The following REEP1 variants were observed in gnomAD, a reference collection of about 807,000 sequenced individuals.
The protein encoded by REEP1 is receptor accessory protein 1.
In REEP1, 22 loss-of-function variants were observed where a neutral mutation model predicts 40.3. That is an observed-to-expected ratio of 0.55 (90% confidence interval 0.39 to 0.78). The LOEUF (loss-of-function observed/expected upper bound fraction) is 0.78. REEP1 is among the 30% of genes least tolerant of loss of function. REEP1 has a pLI of 0.00. For missense variants in REEP1, 280 were observed against 361.1 expected, an observed-to-expected ratio of 0.78 and a Z score of 1.82; for synonymous variants, 116 against 139.2, an observed-to-expected ratio of 0.83 and a Z score of 1.17.
chr2:86,254,849 G>A (rs768216721), intron 3 of REEP1, 35 bp from the exon 4 acceptor site: 4 of 1,611,180 alleles, frequency 2.5e-6, no homozygotes, highest in Non-Finnish European at 3.4e-6. Context: ...GTTCTGTTAG[G>A]TTCTCAGCAA....
At chr2:86,297,969 C>T (rs1233032415) in intron 1 of REEP1, among the ~76,000 whole-genome samples, 1 of 152,186 alleles carries the variant, frequency 6.6e-6, no homozygotes, top group Non-Finnish European at 1.5e-5. Context: ...GGGTCGCATG[C>T]CCCACTTCCC....
intron 1 of REEP1, among the ~76,000 whole-genome samples, chr2:86,282,833 G>A (rs1678172246): frequency 6.6e-6 from 1 of 152,154 alleles, no homozygotes; most frequent in Non-Finnish European, 1.5e-5. Context: ...TTGGGCAGCA[G>A]CTCTCACTGA....
At chr2:86,232,171 AG>A (rs1378084856) in intron 6 of REEP1, among the ~76,000 whole-genome samples, 1 of 152,178 alleles carries the variant, frequency 6.6e-6, no homozygotes, top group African/African-American at 2.4e-5. Flanking sequence ...GAGAGAGGAC[AG>A]GCAATATTCA....
intron 2 of REEP1, among the ~76,000 whole-genome samples, chr2:86,277,551 G>T (rs1320540176): frequency 7.7e-6 from 1 of 129,696 alleles, no homozygotes. Context: ...GCGAGACTCT[G>T]TATCAAAAAA....
rs568960722 is a variant in REEP1, at chr2:86,277,763, T to G, written c.105+4407A>C. On this transcript the variant is annotated intron_variant, in intron 2 of 8. Transcript: ENST00000538924. ...GGAAAACCTGAGAAAGACTTCAGAA[T>G]GGGTATCCTGTGGAATGCTAGGTGT... 2.6e-5 allele frequency among the ~76,000 whole-genome samples: 4 copies of G among 152,292 alleles called. No individual in the cohort carries two copies. In the South Asian group the frequency reaches 8.3e-4, roughly 32 times the overall value.
At chr2:86,242,235 G>T (rs1675706429) in intron 5 of REEP1, among the ~76,000 whole-genome samples, 1 of 152,206 alleles carries the variant, frequency 6.6e-6, no homozygotes, top group Non-Finnish European at 1.5e-5. Context: ...GGTTCACAGA[G>T]GTGCAGCAGT....
intron 2 of REEP1, among the ~76,000 whole-genome samples, chr2:86,266,347 C>T (rs1444331351): frequency 7.2e-5 from 11 of 152,028 alleles, no homozygotes; most frequent in South Asian, 2.1e-4. Context: ...GGGCCGGGCG[C>T]GGTGGCTCAC....
chr2:86,223,859 A>C (rs1185368962), intron 7 of REEP1: 1 of 152,140 alleles, frequency 6.6e-6, no homozygotes, highest in African/African-American at 2.4e-5. Flanking sequence ...CCACACAGGC[A>C]GTAATCCAGA....
At chr2:86,331,117 T>A (rs1680741510) in intron 1 of REEP1, among the ~76,000 whole-genome samples, 1 of 152,244 alleles carries the variant, frequency 6.6e-6, no homozygotes, top group Non-Finnish European at 1.5e-5. Flanking sequence ...CTTTGTTGTA[T>A]TCTTCACTTT....
At chr2:86,284,054 C>A (rs1184893887) in intron 1 of REEP1, among the ~76,000 whole-genome samples, 1 of 152,066 alleles carries the variant, frequency 6.6e-6, no homozygotes, top group East Asian at 1.9e-4. Context: ...GAGGGTAGTG[C>A]CAAAGACAGC....
chr2:86,275,271 A>T (rs144654649), intron 2 of REEP1, among the ~76,000 whole-genome samples: 1,714 of 150,266 alleles, frequency 0.011, 15 homozygotes, highest in Non-Finnish European at 0.018. Flanking sequence ...GACTTTGAGC[A>T]GGGCACTTAG....
chr2:86,225,132 C>T (rs1192562308), intron 7 of REEP1, among the ~76,000 whole-genome samples: 3 of 152,154 alleles, frequency 2.0e-5, no homozygotes, highest in Non-Finnish European at 4.4e-5. Context: ...TGAACGCAGC[C>T]CCTTCATTTC....
chr2:86,337,534 C>A lies in REEP1; in HGVS notation c.-24G>T. Reference sequence around the variant, plus strand: ...ATGGCGGGCAGGCGGGCGGGCGAGGCCCGGGCGGCGCGGCTCGGCTAGGCT... The same window carrying A: ...ATGGCGGGCAGGCGGGCGGGCGAGGACCGGGCGGCGCGGCTCGGCTAGGCT... On this transcript the variant is annotated 5_prime_UTR_variant, in exon 1 of 9. Coordinates refer to ENST00000538924, the MANE Select transcript of REEP1 (RefSeq NM_001371279.1). The surrounding 1 kb of genome is among the most constrained non-coding windows in gnomAD (Gnocchi z 5.8). 8.0e-7 allele frequency: 1 copy of A among 1,250,022 alleles called. No individual in the cohort carries two copies. 77.4% of individuals were successfully genotyped at this position (1,250,022 alleles called of 1,614,324 possible).
chr2:86,312,553 C>T (rs1017724326), intron 1 of REEP1, among the ~76,000 whole-genome samples: 1 of 152,158 alleles, frequency 6.6e-6, no homozygotes, highest in Non-Finnish European at 1.5e-5. Flanking sequence ...TGTTTAAGAA[C>T]TGAACAACAG....
chr2:86,233,968 C>T (rs193044684), intron 5 of REEP1, among the ~76,000 whole-genome samples: 2 of 152,052 alleles, frequency 1.3e-5, no homozygotes, highest in Non-Finnish European at 2.9e-5. Context: ...CAATTCAAGC[C>T]GCTGACAAGA....
chr2:86,317,182 C>T (rs1199925949), intron 1 of REEP1, among the ~76,000 whole-genome samples: 2 of 152,040 alleles, frequency 1.3e-5, no homozygotes, highest in African/African-American at 4.8e-5. Context: ...TTCAATAAAT[C>T]GGGGCAACTG....
At chr2:86,333,570 CT>C (rs1312003726) in intron 1 of REEP1, among the ~76,000 whole-genome samples, 2 of 152,234 alleles carry the variant, frequency 1.3e-5, no homozygotes, top group Non-Finnish European at 2.9e-5. Flanking sequence ...GTGAGAAGCT[CT>C]TGATCCGTTC....
chr2:86,279,087 C>T (rs745997966), intron 2 of REEP1, among the ~76,000 whole-genome samples: 1 of 152,230 alleles, frequency 6.6e-6, no homozygotes, highest in Non-Finnish European at 1.5e-5. Flanking sequence ...ACATGGCATG[C>T]CATGCCTCCT....
intron 1 of REEP1, among the ~76,000 whole-genome samples, chr2:86,282,766 C>T (rs887802323): frequency 6.6e-6 from 1 of 152,182 alleles, no homozygotes; most frequent in Admixed American, 6.5e-5. Flanking sequence ...CTTGCATTAG[C>T]CTGTTTCTCA....
Sources: allele counts gnomAD v4.1 joint callset (sites outside exome capture counted in the v4.1 genomes callset), GRCh38; gene constraint gnomAD v4.1.1; non-coding constraint Gnocchi (gnomAD v3.1); transcripts MANE v1.5; gene names NCBI Gene and HGNC (gene_info 2026-07-23, HGNC 2026-07-21).